PLEKHH2: variants seen among roughly 807,000 people sequenced by gnomAD.
The protein encoded by PLEKHH2 is pleckstrin homology, MyTH4 and FERM domain containing H2, also known as pleckstrin homology domain-containing family H member 2.
A neutral mutation model predicts 187.9 loss-of-function variants in PLEKHH2; 129 were observed. The observed-to-expected ratio is 0.69, with a 90% CI of 0.59 to 0.79. The LOEUF is 0.79. Among genes scored for constraint, PLEKHH2 ranks in the 30% least tolerant of loss-of-function variants. PLEKHH2 has a pLI of 0.00. For missense variants in PLEKHH2, 2,076 were observed against 1,751.2 expected, an observed-to-expected ratio of 1.19 and a Z score of -3.31; for synonymous variants, 686 against 605.6, an observed-to-expected ratio of 1.13 and a Z score of -1.95.
intron 3 of PLEKHH2, among the ~76,000 whole-genome samples, chr2:43,685,606 CTT>C (rs34341551): frequency 4.4e-5 from 6 of 135,664 alleles, no homozygotes; most frequent in Non-Finnish European, 4.7e-5. Context: ...GTTTTTTAAC[CTT>C]TTTTTTTTTT....
intron 20 of PLEKHH2, 83 bp from the exon 21 acceptor site, chr2:43,740,863 T>C (rs940471451): frequency 5.9e-6 from 9 of 1,535,774 alleles, no homozygotes; most frequent in Non-Finnish European, 7.9e-6. Flanking sequence ...TAAGAGAGAC[T>C]GTCATCAGCC....
intron 2 of PLEKHH2, among the ~76,000 whole-genome samples, chr2:43,645,925 G>T (rs553891940): frequency 6.6e-6 from 1 of 152,086 alleles, no homozygotes; most frequent in African/African-American, 2.4e-5. Flanking sequence ...CTCCAAAAAA[G>T]GTATTAAATC....
chr2:43,723,126 C>G (rs1026747191), intron 16 of PLEKHH2, among the ~76,000 whole-genome samples: 4 of 152,020 alleles, frequency 2.6e-5, no homozygotes, highest in Non-Finnish European at 5.9e-5. Context: ...ATCATTGTGC[C>G]TAAAGTACAC....
chr2:43,643,320 T>G (rs1202811899), intron 1 of PLEKHH2, among the ~76,000 whole-genome samples: 1 of 152,154 alleles, frequency 6.6e-6, no homozygotes, highest in African/African-American at 2.4e-5. Flanking sequence ...AAATTAAGGC[T>G]AGAATTTGGG....
At chr2:43,704,254 C>A (rs975653549) in intron 9 of PLEKHH2, among the ~76,000 whole-genome samples, 198 bp downstream of exon 9, 1 of 151,920 alleles carries the variant, frequency 6.6e-6, no homozygotes, top group East Asian at 1.9e-4. Context: ...CGTGGAGAAG[C>A]GAATTTATTG....
At chr2:43,764,118 A>G (rs1558639211) in intron 28 of PLEKHH2, 110 bp from the exon 29 acceptor site, 1 of 604,294 alleles carries the variant, frequency 1.7e-6, no homozygotes, top group Admixed American at 3.8e-5. Flanking sequence ...TTTGTATTAT[A>G]CCATAATTGA....
chr2:43,765,375 T>G (rs369910465), intron 29 of PLEKHH2, 38 bp from the exon 30 acceptor site: 171 of 1,597,102 alleles, frequency 1.1e-4, no homozygotes, highest in Non-Finnish European at 1.4e-4. Context: ...TGATGAGAAC[T>G]TCTAAGGAGC....
Position 43,743,833 on chromosome 2 carries a change from G to A in PLEKHH2, c.3400-1G>A, listed in dbSNP as rs781223982. ...AGAACTGCTTTGTTATTTCTGTCTA[G>A]GTAGTTGGTTTTGACGCATCTACCA... On this transcript the variant is annotated splice_acceptor_variant, in intron 22 of 29. Coordinates refer to ENST00000282406, the MANE Select transcript of PLEKHH2 (RefSeq NM_172069.4). LOFTEE classifies it high-confidence loss of function. The A allele has an allele frequency of 3.5e-5, 57 of 1,611,084 alleles. No individual in the cohort carries two copies. Among genetic ancestry groups the A allele is most frequent in the Non-Finnish European group, 4.6e-5 (54 of 1,177,852 alleles).
intron 2 of PLEKHH2, among the ~76,000 whole-genome samples, chr2:43,645,065 T>C (rs1666122369): frequency 6.6e-6 from 1 of 152,130 alleles, no homozygotes; most frequent in Non-Finnish European, 1.5e-5. Flanking sequence ...TATAATTTAT[T>C]TGATTTTATT....
intron 3 of PLEKHH2, among the ~76,000 whole-genome samples, chr2:43,679,226 G>C (rs1668034973): frequency 6.6e-6 from 1 of 152,024 alleles, no homozygotes; most frequent in Non-Finnish European, 1.5e-5. Flanking sequence ...GTTCATAGTT[G>C]CTTTATTTGT....
intron 11 of PLEKHH2, 57 bp from the exon 12 acceptor site, chr2:43,709,933 G>A: frequency 6.7e-7 from 1 of 1,486,758 alleles, no homozygotes; most frequent in East Asian, 2.3e-5. Context: ...CTCAGAGCTG[G>A]TGTTTGGCCC....
chr2:43,765,963 C>A lies in PLEKHH2; in HGVS notation c.*365C>A, dbSNP rs1672606709. 2 of 178,734 alleles carry A rather than the reference C, an allele frequency of 1.1e-5. No individual in the cohort carries two copies. Among genetic ancestry groups the A allele is most frequent in the Admixed American group, 5.9e-5 (1 of 17,062 alleles). 11.1% of individuals were successfully genotyped at this position (178,734 alleles called of 1,614,324 possible). Reference sequence around the variant, plus strand: ...TCTTTAGAAAGGGAGATTCCAAACTCCCATTTGGTAAACCAGTTGATTATT... The same window carrying A: ...TCTTTAGAAAGGGAGATTCCAAACTACCATTTGGTAAACCAGTTGATTATT... On this transcript the variant is annotated 3_prime_UTR_variant, in exon 30 of 30. Transcript: ENST00000282406.
intron 7 of PLEKHH2, 36 bp downstream of exon 7, chr2:43,697,392 T>G (rs1194849857): frequency 6.6e-7 from 1 of 1,517,050 alleles, no homozygotes; most frequent in East Asian, 2.3e-5. Flanking sequence ...TTTGGCATTT[T>G]TTAAAAAGGA....
At chr2:43,691,771 C>T (rs1025644698) in intron 3 of PLEKHH2, among the ~76,000 whole-genome samples, 2 of 152,200 alleles carry the variant, frequency 1.3e-5, no homozygotes, top group Non-Finnish European at 2.9e-5. Flanking sequence ...TATCTGCCTG[C>T]CTCGGCCTCC....
At chr2:43,647,855 G>T (rs1666258374) in intron 2 of PLEKHH2, among the ~76,000 whole-genome samples, 1 of 152,096 alleles carries the variant, frequency 6.6e-6, no homozygotes, top group Non-Finnish European at 1.5e-5. Flanking sequence ...TCTCTTTCCT[G>T]CAACAGTTCT....
chr2:43,710,106 T>C lies in PLEKHH2; in HGVS notation c.2083T>C (p.Ser695Pro), dbSNP rs779952993. The C allele has an allele frequency of 6.2e-7, 1 of 1,613,016 alleles. No homozygotes were observed. Among genetic ancestry groups the C allele is most frequent in the Non-Finnish European group, 8.5e-7 (1 of 1,179,728 alleles). ...EQKLPKTCSS[S>P]SDNGKNEPLE... ...GAAGCTCCCAAAAACTTGCTCATCT[T>C]CCAGTGATAATGGGAAAAATGTAAA... Residue 695 changes from serine (S) to proline (P), a missense_variant, in exon 12 of 30, where the codon TCC (serine) becomes CCC (proline). Physicochemically the swap from Ser to Pro is moderately conservative, Grantham distance 74. Coordinates refer to ENST00000282406, the MANE Select transcript of PLEKHH2 (RefSeq NM_172069.4).
chr2:43,683,142 C>CTTTTT (rs34805310), intron 3 of PLEKHH2, among the ~76,000 whole-genome samples: 23 of 94,572 alleles, frequency 2.4e-4, no homozygotes, highest in Non-Finnish European at 3.4e-4. Flanking sequence ...TTTATATACC[C>CTTTTT]TTTTTTTTTT....
chr2:43,682,022 T>A (rs182270229), intron 3 of PLEKHH2, among the ~76,000 whole-genome samples: 1 of 152,066 alleles, frequency 6.6e-6, no homozygotes, highest in East Asian at 1.9e-4. Context: ...CAACAATTAG[T>A]CAAGTCATGC....
chr2:43,711,367 G>A (rs1397879835), intron 14 of PLEKHH2: 1 of 985,270 alleles, frequency 1.0e-6, no homozygotes, highest in Non-Finnish European at 1.2e-6. Context: ...AGAATCATTT[G>A]TAAGTTTCTG....
Sources: allele counts gnomAD v4.1 joint callset (sites outside exome capture counted in the v4.1 genomes callset), GRCh38; gene constraint gnomAD v4.1.1; transcripts MANE v1.5; gene names NCBI Gene and HGNC (gene_info 2026-07-23, HGNC 2026-07-21).